The following RARS1 variants were observed in gnomAD, a reference collection of about 807,000 sequenced individuals.
RARS1 encodes the protein arginyl-tRNA synthetase 1.
A neutral mutation model predicts 78.7 loss-of-function variants in RARS1; 75 were observed. That is an observed-to-expected ratio of 0.95 (90% confidence interval 0.79 to 1.15). RARS1 has a LOEUF of 1.15. Ranked by LOEUF, RARS1 falls within the 50% of genes most tolerant of loss-of-function variation. The pLI is 0.00. For synonymous variants in RARS1, 273 were observed against 268.2 expected, an observed-to-expected ratio of 1.02 and a Z score of -0.18; for missense variants, 787 against 787.5, an observed-to-expected ratio of 1.00 and a Z score of 0.01.
intron 3 of RARS1, 21 bp downstream of exon 3, chr5:168,492,868 T>C (rs1462484517): frequency 6.5e-7 from 1 of 1,530,638 alleles, no homozygotes; most frequent in Admixed American, 1.8e-5. Context: ...GTCATGACTC[T>C]TGGCTGTTTG....
At chr5:168,509,328 C>T (rs1407069868) in intron 11 of RARS1, among the ~76,000 whole-genome samples, 1 of 151,724 alleles carries the variant, frequency 6.6e-6, no homozygotes, top group Non-Finnish European at 1.5e-5. Context: ...TAGATTCTTG[C>T]TTGGGCAAGC....
In RARS1 at chr5:168,494,638, A is replaced by G; in HGVS notation, c.567A>G (p.Gly189=). Residue 189 remains glycine (G), a synonymous_variant, in exon 5 of 15, where the codon GGA becomes GGG. Coordinates refer to ENST00000231572, the MANE Select transcript of RARS1 (RefSeq NM_002887.4). The part of the protein sequence containing the change: ...LVNGVQLPAL[G]ENKKVIVDFS... ...ATGGAGTTCAACTACCTGCTCTGGGAGAGAATAAAAAGGTATATGTACACT... is the reference window on the plus strand; with the variant it reads ...ATGGAGTTCAACTACCTGCTCTGGGGGAGAATAAAAAGGTATATGTACACT... 1 of 1,587,944 alleles carries G rather than the reference A, an allele frequency of 6.3e-7. No homozygotes were observed. The highest frequency in any genetic ancestry group is 8.6e-7 in the Non-Finnish European group (1 of 1,156,480).
chr5:168,497,106 A>G, intron 6 of RARS1, 122 bp from the exon 7 acceptor site: 1 of 747,736 alleles, frequency 1.3e-6, no homozygotes, highest in Non-Finnish European at 1.9e-6. Flanking sequence ...AACAGATATT[A>G]CTAAATGGTG....
At chr5:168,495,643 G>A (rs1758170517) in intron 6 of RARS1, among the ~76,000 whole-genome samples, 1 of 151,920 alleles carries the variant, frequency 6.6e-6, no homozygotes, top group Non-Finnish European at 1.5e-5. Context: ...TATTTTTTTA[G>A]ACTCTTAGTG....
intron 12 of RARS1, among the ~76,000 whole-genome samples, chr5:168,514,646 T>A (rs1004135985): frequency 2.6e-5 from 4 of 152,232 alleles, no homozygotes; most frequent in Admixed American, 6.5e-5. Flanking sequence ...CTTTCATAGC[T>A]ATATAGTATG....
chr5:168,505,977 A>G (rs1441805208), intron 9 of RARS1, 44 bp from the exon 10 acceptor site: 5 of 1,466,662 alleles, frequency 3.4e-6, no homozygotes, highest in Middle Eastern at 2.4e-4. Context: ...ATTTTCCTTC[A>G]GGGTTCTTTT....
chr5:168,501,961 T>G (rs1758334118), intron 8 of RARS1, 40 bp from the exon 9 acceptor site: 1 of 1,565,196 alleles, frequency 6.4e-7, no homozygotes, highest in African/African-American at 1.4e-5. Flanking sequence ...TAAAAAATTC[T>G]TATGCATTTT....
chr5:168,504,992 G>C (rs1045182588), intron 9 of RARS1, among the ~76,000 whole-genome samples: 1 of 152,026 alleles, frequency 6.6e-6, no homozygotes, highest in Admixed American at 6.5e-5. Context: ...GACCCTGTCT[G>C]AAAAAAATAA....
intron 14 of RARS1, 129 bp downstream of exon 14, chr5:168,518,191 C>A: frequency 8.8e-7 from 1 of 1,136,882 alleles, no homozygotes; most frequent in Non-Finnish European, 1.2e-6. Flanking sequence ...TCAAGTGATT[C>A]TCCCACTTGA....
At chr5:168,492,513 C>A in intron 2 of RARS1, 146 bp from the exon 3 acceptor site, 2 of 631,626 alleles carry the variant, frequency 3.2e-6, no homozygotes, top group Non-Finnish European at 2.6e-6. Context: ...CTTAGCAAAT[C>A]CCAGATTGAG....
chr5:168,509,222 A>G (rs991645483), intron 11 of RARS1, among the ~76,000 whole-genome samples: 1 of 152,222 alleles, frequency 6.6e-6, no homozygotes, highest in African/African-American at 2.4e-5. Context: ...CTTAAGAAGA[A>G]GTGTATGGGC....
chr5:168,493,052 T>G, intron 3 of RARS1: 2 of 487,446 alleles, frequency 4.1e-6, no homozygotes, highest in African/African-American at 1.9e-5. Flanking sequence ...AAATTTTATA[T>G]GTATTCTCAA....
intron 9 of RARS1, among the ~76,000 whole-genome samples, chr5:168,504,521 CAAA>C (rs60401511): frequency 9.9e-6 from 1 of 101,176 alleles, no homozygotes; most frequent in African/African-American, 4.0e-5. Flanking sequence ...GATTCTGTCT[CAAA>C]AAAAAAAAAA....
At chr5:168,499,434 A>G (rs1185403953) in intron 7 of RARS1, among the ~76,000 whole-genome samples, 3 of 152,206 alleles carry the variant, frequency 2.0e-5, no homozygotes, top group Non-Finnish European at 4.4e-5. Context: ...GTTTGTTTAA[A>G]TTCTTAGGCA....
In RARS1 at chr5:168,494,649, A is replaced by G. The variant is rs1758146634; in HGVS notation, c.578A>G (p.Lys193Arg). Reference sequence around the variant, plus strand: ...CTACCTGCTCTGGGAGAGAATAAAAAGGTATATGTACACTCTTCTATTAAT... The same window carrying G: ...CTACCTGCTCTGGGAGAGAATAAAAGGGTATATGTACACTCTTCTATTAAT... ...VQLPALGENK[K>R]VIVDFSSPNI... The change falls in exon 5 of 15, where the codon AAG (lysine) becomes AGG (arginine). Residue 193 changes from lysine (K) to arginine (R), a missense_variant and splice_region_variant. Transcript: ENST00000231572. 3.2e-6 allele frequency: 5 copies of G among 1,553,328 alleles called. No homozygotes were observed. The highest frequency in any genetic ancestry group is 4.4e-6 in the Non-Finnish European group (5 of 1,125,298).
chr5:168,491,488 ATTGATTAGCTACAAAC>A (rs1240417248), intron 2 of RARS1, among the ~76,000 whole-genome samples: 1 of 152,246 alleles, frequency 6.6e-6, no homozygotes, highest in Non-Finnish European at 1.5e-5. Flanking sequence ...GGAGTCAATT[ATTGATTAGCTACAAAC>A]TTGAAATCAG....
In RARS1 at chr5:168,494,633, C is replaced by A; in HGVS notation, c.562C>A (p.Leu188Met). 1 of 1,593,692 alleles carries A rather than the reference C, an allele frequency of 6.3e-7. No homozygotes were observed. The highest frequency in any genetic ancestry group is 1.1e-5 in the South Asian group (1 of 90,602). Reference protein sequence around the residue: ...LLVNGVQLPALGENKKVIVDF... With the variant: ...LLVNGVQLPAMGENKKVIVDF... ...AGTGAATGGAGTTCAACTACCTGCT[C>A]TGGGAGAGAATAAAAAGGTATATGT... The change falls in exon 5 of 15, where the codon CTG becomes ATG. Residue 188 changes from leucine (L) to methionine (M), a missense_variant. Coordinates refer to ENST00000231572, the MANE Select transcript of RARS1 (RefSeq NM_002887.4).
intron 14 of RARS1, 28 bp downstream of exon 14, chr5:168,518,090 T>TTTTTTTTTTTTTTC: frequency 7.0e-7 from 1 of 1,429,182 alleles, no homozygotes; most frequent in Non-Finnish European, 9.1e-7. Flanking sequence ...TTTTTTTTTT[T>TTTTTTTTTTTTTTC]TTTTTAGTGA....
chr5:168,493,304 C>T (rs1758122078), intron 3 of RARS1: 1 of 156,828 alleles, frequency 6.4e-6, no homozygotes, highest in Non-Finnish European at 1.4e-5. Flanking sequence ...TTATGGTTAA[C>T]TGCATCTGGC....
Sources: gnomAD v4.1 joint callset for allele counts (sites outside exome capture counted in the v4.1 genomes callset) on GRCh38, gnomAD v4.1.1 for gene constraint, MANE v1.5 for transcripts, NCBI Gene and HGNC (gene_info 2026-07-23, HGNC 2026-07-21) for gene names.